Variants in LRRTM4 observed in about 807,000 individuals in gnomAD.
The protein encoded by LRRTM4 is leucine-rich repeat transmembrane neuronal protein 4.
Under a neutral mutation model 47.6 loss-of-function variants are expected in LRRTM4, and 25 were observed. The ratio of observed to expected loss-of-function variants is 0.53; its 90% CI spans 0.38 to 0.73. LRRTM4 has a LOEUF of 0.73. Ranked by LOEUF, LRRTM4 falls within the 30% of genes least tolerant of loss-of-function variation. The probability of loss-of-function intolerance (pLI) is 0.00; values close to 1 mark genes in which losing one functional copy is unlikely to be tolerated. For synonymous variants in LRRTM4, 311 were observed against 269.5 expected (o/e 1.15, Z -1.51); for missense variants, 638 against 713.4 (o/e 0.89, Z 1.20).
intron 3 of LRRTM4, among the ~76,000 whole-genome samples, chr2:77,110,556 T>C (rs1224115417): frequency 1.2e-4 from 19 of 152,208 alleles, no homozygotes; most frequent in Non-Finnish European, 2.1e-4. Flanking sequence ...CTCATCTATA[T>C]ATAATTTTGT....
At chr2:77,484,713 C>A (rs11676109) in intron 3 of LRRTM4, among the ~76,000 whole-genome samples, 1 of 151,930 alleles carries the variant, frequency 6.6e-6, no homozygotes. Flanking sequence ...TAATTTAAAA[C>A]TATTTTTATT....
At chr2:76,991,542 A>G (rs1287982136) in intron 3 of LRRTM4, among the ~76,000 whole-genome samples, 1 of 151,784 alleles carries the variant, frequency 6.6e-6, no homozygotes, top group Non-Finnish European at 1.5e-5. Context: ...GCGGAAATTT[A>G]TAACAAATTC....
intron 3 of LRRTM4, among the ~76,000 whole-genome samples, chr2:77,206,647 C>T (rs1216514262): frequency 6.6e-6 from 1 of 151,944 alleles, no homozygotes; most frequent in African/African-American, 2.4e-5. Flanking sequence ...CCATGCCCAG[C>T]TAATTTTTGC....
At chr2:77,316,422 C>T (rs1400658593) in intron 3 of LRRTM4, among the ~76,000 whole-genome samples, 1 of 151,920 alleles carries the variant, frequency 6.6e-6, no homozygotes, top group African/African-American at 2.4e-5. Flanking sequence ...AACAACAGTA[C>T]AATATTAGTT....
At chr2:77,478,917 C>T (rs183890381) in intron 3 of LRRTM4, among the ~76,000 whole-genome samples, 70 of 151,948 alleles carry the variant, frequency 4.6e-4, no homozygotes, top group East Asian at 1.2e-3. Flanking sequence ...TTTTTTGAGA[C>T]GAAGTCTCAC....
intron 3 of LRRTM4, among the ~76,000 whole-genome samples, chr2:77,242,835 A>G (rs2103993789): frequency 6.6e-6 from 1 of 152,326 alleles, no homozygotes; most frequent in African/African-American, 2.4e-5. Flanking sequence ...ATTTGAAAGT[A>G]GAATTACCCT....
At chr2:76,852,142 C>A (rs901434957) in intron 3 of LRRTM4, among the ~76,000 whole-genome samples, 1 of 152,102 alleles carries the variant, frequency 6.6e-6, no homozygotes, top group Non-Finnish European at 1.5e-5. Context: ...TCACAACAAC[C>A]ATATTGAAAA....
At chr2:77,247,300 G>A (rs1355138734) in intron 3 of LRRTM4, among the ~76,000 whole-genome samples, 3 of 152,144 alleles carry the variant, frequency 2.0e-5, no homozygotes, top group Non-Finnish European at 2.9e-5. Context: ...AATATGTAAT[G>A]TATAGAGTTG....
intron 3 of LRRTM4, among the ~76,000 whole-genome samples, chr2:76,976,704 T>G (rs1285150049): frequency 6.6e-6 from 1 of 151,722 alleles, no homozygotes; most frequent in African/African-American, 2.4e-5. Flanking sequence ...GGGATATCCG[T>G]GGAAAAAGGT....
At chr2:77,096,262 A>T (rs1352070632) in intron 3 of LRRTM4, among the ~76,000 whole-genome samples, 3 of 151,878 alleles carry the variant, frequency 2.0e-5, no homozygotes, top group African/African-American at 7.2e-5. Context: ...AAATTGTGGA[A>T]TAATGCCTTC....
chr2:77,294,275 G>T (rs1486789679), intron 3 of LRRTM4, among the ~76,000 whole-genome samples: 1 of 146,226 alleles, frequency 6.8e-6, no homozygotes, highest in Non-Finnish European at 1.5e-5. Context: ...GGAGGAAAAT[G>T]ACTCTGGAAC....
chr2:77,167,454 A>T (rs1368846334), intron 3 of LRRTM4, among the ~76,000 whole-genome samples: 3 of 152,208 alleles, frequency 2.0e-5, no homozygotes, highest in African/African-American at 7.2e-5. Context: ...ATTACTGGGT[A>T]TATACCCAAA....
At chr2:77,271,725 A>T (rs758507736) in intron 3 of LRRTM4, among the ~76,000 whole-genome samples, 57 of 152,144 alleles carry the variant, frequency 3.7e-4, no homozygotes, top group Admixed American at 9.8e-4. Flanking sequence ...TATTGCTCTG[A>T]TTATGTCCAT....
intron 3 of LRRTM4, among the ~76,000 whole-genome samples, chr2:76,814,686 A>C (rs1467460683): frequency 6.6e-6 from 1 of 151,918 alleles, no homozygotes; most frequent in Non-Finnish European, 1.5e-5. Context: ...TATATAAGGG[A>C]CTTGAGTATC....
At chr2:77,363,384 A>G (rs564897155) in intron 3 of LRRTM4, among the ~76,000 whole-genome samples, 1 of 152,246 alleles carries the variant, frequency 6.6e-6, no homozygotes, top group Admixed American at 6.5e-5. Context: ...AGAAAAATAT[A>G]CTCCCAAGAA....
At chr2:77,405,296 CT>C (rs1035260731) in intron 3 of LRRTM4, among the ~76,000 whole-genome samples, 1 of 152,008 alleles carries the variant, frequency 6.6e-6, no homozygotes, top group Non-Finnish European at 1.5e-5. Flanking sequence ...AGTAGTGTTA[CT>C]TTTTCACCAA....
At chr2:76,796,533 C>A (rs1340554560) in intron 3 of LRRTM4, among the ~76,000 whole-genome samples, 3 of 126,184 alleles carry the variant, frequency 2.4e-5, no homozygotes. Context: ...CTGGGAGGCA[C>A]CCCCAAGCAC....
At chr2:77,272,090 C>A (rs1228945006) in intron 3 of LRRTM4, among the ~76,000 whole-genome samples, 1 of 152,136 alleles carries the variant, frequency 6.6e-6, no homozygotes, top group Non-Finnish European at 1.5e-5. Flanking sequence ...AAACCTTACC[C>A]ATCCATCTCT....
intron 3 of LRRTM4, among the ~76,000 whole-genome samples, chr2:77,388,161 T>TA (rs932431264): frequency 3.9e-4 from 58 of 147,342 alleles, no homozygotes; most frequent in Admixed American, 5.5e-4. Context: ...CTTCAATCTT[T>TA]AAAAAAAAAA....
Sources: allele counts gnomAD v4.1 joint callset (sites outside exome capture counted in the v4.1 genomes callset), GRCh38; gene constraint gnomAD v4.1.1; transcripts MANE v1.5; gene names NCBI Gene and HGNC (gene_info 2026-07-23, HGNC 2026-07-21).